Variants in ATP1A4 observed in about 807,000 individuals in gnomAD.
ATP1A4 encodes sodium/potassium-transporting ATPase subunit alpha-4.
A neutral mutation model predicts 114.3 loss-of-function variants in ATP1A4; 90 were observed. The observed-to-expected ratio is 0.79, with a 90% confidence interval of 0.66 to 0.94. The LOEUF (loss-of-function observed/expected upper bound fraction) is 0.94. ATP1A4 is among the 40% of genes least tolerant of loss of function. The pLI, the probability that ATP1A4 is intolerant of heterozygous loss-of-function variation, is 0.00. For missense variants in ATP1A4, 1,222 were observed against 1,313.6 expected (o/e 0.93, Z 1.08); for synonymous variants, 511 against 494.1 (o/e 1.03, Z -0.45).
chr1:160,156,229 C>G, intron 4 of ATP1A4, 71 bp downstream of exon 4: 1 of 1,063,368 alleles, frequency 9.4e-7, no homozygotes, highest in Non-Finnish European at 1.5e-6. Flanking sequence ...GATGAAGTCC[C>G]GTGGAAAATT....
At chr1:160,183,658 C>T (rs1254177926) in intron 20 of ATP1A4, among the ~76,000 whole-genome samples, 1 of 152,160 alleles carries the variant, frequency 6.6e-6, no homozygotes, top group Non-Finnish European at 1.5e-5. Context: ...ATGGCCTAGG[C>T]TTGTACTGTC....
chr1:160,182,003 G>A lies in ATP1A4; in HGVS notation c.2941G>A (p.Asp981Asn). Residue 981 changes from aspartate (D) to asparagine (N), a missense_variant, in exon 20 of 22, where the codon GAC (aspartate) becomes AAC (asparagine). By Grantham distance (23) the Asp-to-Asn change is conservative. Coordinates refer to ENST00000368081, the MANE Select transcript of ATP1A4 (RefSeq NM_144699.4). ...ATTTCTGTCCTACACTCCAGGCATG[G>A]ACGTGGCCCTGCGAATGTACCCACT... ...AAFLSYTPGM[D>N]VALRMYPLKI... 1 of 1,614,142 alleles carries A rather than the reference G, an allele frequency of 6.2e-7. No individual in the cohort carries two copies. The highest frequency in any genetic ancestry group is 8.5e-7 in the Non-Finnish European group (1 of 1,180,036).
Position 160,174,639 on chromosome 1 carries a change from G to A in ATP1A4, c.2203G>A (p.Asp735Asn). ...CGACTCCCCTGCGCTGAAGAAGGCTGACATTGGCATTGCCATGGGCATCTC... is the reference window on the plus strand; with the variant it reads ...CGACTCCCCTGCGCTGAAGAAGGCTAACATTGGCATTGCCATGGGCATCTC... Reference protein sequence around the residue: ...VNDSPALKKADIGIAMGISGS... With the variant: ...VNDSPALKKANIGIAMGISGS... Residue 735 changes from aspartate (D) to asparagine (N), a missense_variant, in exon 15 of 22, where the codon GAC (aspartate) becomes AAC (asparagine). Coordinates refer to ENST00000368081, the MANE Select transcript of ATP1A4 (RefSeq NM_144699.4). The A allele has an allele frequency of 6.2e-7, 1 of 1,614,212 alleles. No individual in the cohort carries two copies.
rs776296755 is a variant in ATP1A4, at chr1:160,174,276, G to A, written c.2142+15G>A. ...GTCAGAGGCTGGTAAGGAACGAAAA[G>A]GAGCCCCAAGGAAACTGGCAGAACT... On this transcript the variant is annotated intron_variant, in intron 14 of 21. Coordinates refer to ENST00000368081, the MANE Select transcript of ATP1A4 (RefSeq NM_144699.4). 183 of 1,613,860 alleles carry A rather than the reference G, an allele frequency of 1.1e-4. No individual in the cohort carries two copies. Among genetic ancestry groups the A allele is most frequent in the Non-Finnish European group, 1.4e-4 (164 of 1,179,992 alleles).
In ATP1A4 at chr1:160,174,108, C is replaced by G. The variant is rs766481160; in HGVS notation, c.1992-3C>G. The G allele has an allele frequency of 6.2e-7, 1 of 1,612,476 alleles. No individual in the cohort carries two copies. Among genetic ancestry groups the G allele is most frequent in the South Asian group, 1.1e-5 (1 of 90,622 alleles). Reference sequence around the variant, plus strand: ...CTAGCCTTTTGAAATTATTTTCCCTCAGTGCTGCCAAAGCCATTGTGGTGC... The same window carrying G: ...CTAGCCTTTTGAAATTATTTTCCCTGAGTGCTGCCAAAGCCATTGTGGTGC... On this transcript the variant is annotated splice_region_variant and splice_polypyrimidine_tract_variant and intron_variant, in intron 13 of 21. Coordinates refer to ENST00000368081, the MANE Select transcript of ATP1A4 (RefSeq NM_144699.4).
intron 11 of ATP1A4, 35 bp from the exon 12 acceptor site, chr1:160,171,550 G>T (rs763679735): frequency 1.2e-6 from 2 of 1,606,584 alleles, no homozygotes; most frequent in South Asian, 1.1e-5. Context: ...TAGAGTGCTG[G>T]ATGACTACTG....
chr1:160,154,169 CA>C (rs1652554558), intron 2 of ATP1A4, among the ~76,000 whole-genome samples: 1 of 152,124 alleles, frequency 6.6e-6, no homozygotes, highest in African/African-American at 2.4e-5. Flanking sequence ...GCCTGGCCAA[CA>C]TGGTGAAACC....
At chr1:160,167,120 G>A (rs370293342) in intron 9 of ATP1A4, 43 bp downstream of exon 9, 255 of 1,595,892 alleles carry the variant, frequency 1.6e-4, no homozygotes, top group Non-Finnish European at 2.1e-4. Flanking sequence ...TGTCCAGGGT[G>A]TAACCTGACC....
At chr1:160,183,329 G>A (rs1653774378) in intron 20 of ATP1A4, 1 of 152,150 alleles carries the variant, frequency 6.6e-6, no homozygotes, top group Admixed American at 6.5e-5. Flanking sequence ...CTTTATTCTT[G>A]CTGTTATTAA....
intron 15 of ATP1A4, 127 bp downstream of exon 15, chr1:160,174,874 C>T (rs745869439): frequency 1.3e-4 from 193 of 1,432,568 alleles, no homozygotes; most frequent in Non-Finnish European, 1.7e-4. Flanking sequence ...AGAAGAAAAT[C>T]ACTGTAAGAC....
rs1333131884 is a variant in ATP1A4 at position 160,176,546 on chromosome 1, C to G, written c.2534C>G (p.Pro845Arg). 6.2e-7 allele frequency: 1 copy of G among 1,614,160 alleles called. No individual in the cohort carries two copies. The highest frequency in any genetic ancestry group is 1.7e-5 in the Admixed American group (1 of 60,022). The part of the protein sequence containing the change: ...SDIMKRLPRN[P>R]KTDNLVNHRL... ...ATCATGAAGAGGCTTCCAAGGAACC[C>G]AAAGACGGATAATCTGGTGAACCAC... The change falls in exon 17 of 22, where the codon CCA becomes CGA. Residue 845 changes from proline to arginine, a missense_variant. Coordinates refer to ENST00000368081, the MANE Select transcript of ATP1A4 (RefSeq NM_144699.4).
rs746532708 is a variant in ATP1A4, at chr1:160,164,299, G to C, written c.922G>C (p.Val308Leu). 3.1e-6 allele frequency: 5 copies of C among 1,614,158 alleles called. No homozygotes were observed. In the Admixed American group the frequency reaches 6.7e-5, roughly 22 times the overall value. The change falls in exon 7 of 22, where the codon GTC becomes CTC. Residue 308 changes from valine (V) to leucine (L), a missense_variant. By Grantham distance (32) the Val-to-Leu change is conservative (BLOSUM62 1). Coordinates refer to ENST00000368081, the MANE Select transcript of ATP1A4 (RefSeq NM_144699.4). ...CATCCATCTGATCACTGTGGTGGCC[G>C]TCTTCCTTGGTGTCACTTTTTTTGC... is the stretch of plus-strand genomic sequence containing the variant. ...HFIHLITVVA[V>L]FLGVTFFALS...
chr1:160,152,136 GA>G lies in ATP1A4; in HGVS notation c.97del (p.Arg33GlyfsTer11), dbSNP rs2102006936. The G allele has an allele frequency of 6.2e-7, 1 of 1,614,072 alleles. No individual in the cohort carries two copies. The part of the protein sequence containing the change: ...KGLIKKKMVK[R>X]EKQKRNMEEL... ...GGCTTATCAAGAAAAAAATGGTGAA[GA>G]GGGAAAAACAGAAGCGCAATATGGA... On this transcript the variant is annotated frameshift_variant, in exon 1 of 22. Transcript: ENST00000368081. LOFTEE classifies it high-confidence loss of function.
intron 7 of ATP1A4, 52 bp downstream of exon 7, chr1:160,164,476 A>T: frequency 6.3e-7 from 1 of 1,587,366 alleles, no homozygotes; most frequent in Non-Finnish European, 8.6e-7. Flanking sequence ...CACCCCAGGG[A>T]AAAGGGATCA....
intron 10 of ATP1A4, among the ~76,000 whole-genome samples, chr1:160,168,770 G>A (rs1391669738): frequency 1.3e-5 from 2 of 152,148 alleles, no homozygotes; most frequent in Non-Finnish European, 2.9e-5. Flanking sequence ...ATCCTTTTCT[G>A]TCTCAACTGG....
At chr1:160,165,531 G>A (rs1236937910) in intron 7 of ATP1A4, among the ~76,000 whole-genome samples, 17 of 151,352 alleles carry the variant, frequency 1.1e-4, no homozygotes, top group South Asian at 8.4e-4. Flanking sequence ...AGGCCAAGGT[G>A]GGCGGATCAC....
chr1:160,181,902 C>T (rs771845280), intron 19 of ATP1A4, 28 bp from the exon 20 acceptor site: 9 of 1,613,514 alleles, frequency 5.6e-6, no homozygotes, highest in African/African-American at 1.3e-5. Context: ...TCTCCCTCCC[C>T]GCCACACCCA....
In ATP1A4 at chr1:160,151,858, C is replaced by A; in HGVS notation, c.-183C>A. The A allele has an allele frequency of 1.6e-6, 1 of 610,300 alleles. No homozygotes were observed. The highest frequency in any genetic ancestry group is 2.6e-5 in the South Asian group (1 of 37,938). The allele number at this position is 610,300 out of a possible 1,614,324, so 37.8% of individuals were successfully genotyped here. ...AGTCTCTCCTCTCTCACTTCCCTTC[C>A]TCTCTCTCACCTTCACCACCCAACA... On this transcript the variant is annotated 5_prime_UTR_variant, in exon 1 of 22. Transcript: ENST00000368081.
rs377164729 is a variant in ATP1A4, at chr1:160,171,449, C to T, written c.1681+9C>T. On this transcript the variant is annotated intron_variant, in intron 11 of 21. Coordinates refer to ENST00000368081, the MANE Select transcript of ATP1A4 (RefSeq NM_144699.4). ...GGGGGAACGTGTGCTAGGTGAGGAG[C>T]TTTGGGAGAAGTTTTTAAAAGAATG... is the stretch of plus-strand genomic sequence containing the variant. 1.3e-4 allele frequency: 217 copies of T among 1,611,342 alleles called. No homozygotes were observed. In the East Asian group the frequency reaches 1.9e-3, roughly 14 times the overall value.
Sources: allele counts gnomAD v4.1 joint callset (sites outside exome capture counted in the v4.1 genomes callset), GRCh38; gene constraint gnomAD v4.1.1; transcripts MANE v1.5; gene names NCBI Gene and HGNC (gene_info 2026-07-23, HGNC 2026-07-21).